The following UNC5D variants were observed in gnomAD, a reference collection of about 807,000 sequenced individuals.
The protein encoded by UNC5D is unc-5 netrin receptor D, also known as netrin receptor UNC5D.
Under a neutral mutation model 105.4 loss-of-function variants are expected in UNC5D, and 39 were observed. That is an observed-to-expected ratio of 0.37 (90% CI 0.29 to 0.48). The LOEUF (loss-of-function observed/expected upper bound fraction) is 0.48. Among genes scored for constraint, UNC5D ranks in the 20% least tolerant of loss-of-function variants. The pLI, the probability that UNC5D is intolerant of heterozygous loss-of-function variation, is 0.98. For synonymous variants in UNC5D, 452 were observed against 450.4 expected (o/e 1.00, Z -0.04); for missense variants, 991 against 1,202.4 (o/e 0.82, Z 2.60).
intron 1 of UNC5D, among the ~76,000 whole-genome samples, chr8:35,478,645 T>C (rs1453017701): frequency 1.3e-5 from 2 of 152,182 alleles, no homozygotes; most frequent in Non-Finnish European, 1.5e-5. Context: ...GAAATCAGCA[T>C]TGAGTCCTGA....
chr8:35,532,301 T>C (rs997566233), intron 1 of UNC5D, among the ~76,000 whole-genome samples: 2 of 151,518 alleles, frequency 1.3e-5, no homozygotes, highest in African/African-American at 2.4e-5. Context: ...CTCCTTCACT[T>C]ATGAAGCTTA....
At chr8:35,470,310 A>C (rs1809610506) in intron 1 of UNC5D, among the ~76,000 whole-genome samples, 1 of 152,114 alleles carries the variant, frequency 6.6e-6, no homozygotes, top group Non-Finnish European at 1.5e-5. Flanking sequence ...ATAAAATCTT[A>C]GGTAATTTAT....
intron 8 of UNC5D, among the ~76,000 whole-genome samples, chr8:35,720,894 T>C (rs1384328953): frequency 2.6e-5 from 4 of 152,158 alleles, no homozygotes; most frequent in Non-Finnish European, 5.9e-5. Flanking sequence ...TATGTGTTTA[T>C]TGCCCTATTA....
intron 1 of UNC5D, among the ~76,000 whole-genome samples, chr8:35,337,891 T>C (rs1196192011): frequency 6.6e-6 from 1 of 152,250 alleles, no homozygotes; most frequent in African/African-American, 2.4e-5. Context: ...AGACATTATT[T>C]CACTTCTGCA....
At chr8:35,391,246 TC>T (rs1219313224) in intron 1 of UNC5D, among the ~76,000 whole-genome samples, 1 of 152,174 alleles carries the variant, frequency 6.6e-6, no homozygotes, top group East Asian at 1.9e-4. Flanking sequence ...TCGTGTACTT[TC>T]CCAAAAAAGA....
chr8:35,615,056 C>T (rs1820945943), intron 4 of UNC5D, among the ~76,000 whole-genome samples: 1 of 143,648 alleles, frequency 7.0e-6, no homozygotes, highest in Non-Finnish European at 1.5e-5. Context: ...CCCCGTCCCC[C>T]ACCCCCCGAT....
chr8:35,596,036 A>G (rs142401770), intron 4 of UNC5D, among the ~76,000 whole-genome samples: 24 of 152,344 alleles, frequency 1.6e-4, no homozygotes, highest in African/African-American at 5.5e-4. Context: ...AAAAGCCCAT[A>G]GGAAAGGTCA....
intron 1 of UNC5D, among the ~76,000 whole-genome samples, chr8:35,471,075 G>A (rs537454597): frequency 2.6e-5 from 4 of 152,168 alleles, no homozygotes; most frequent in Admixed American, 6.5e-5. Flanking sequence ...CTAGTACCCC[G>A]GGGCCAGTTC....
intron 1 of UNC5D, among the ~76,000 whole-genome samples, chr8:35,305,593 C>CTTTTCTTTCA (rs1381069195): frequency 1.4e-5 from 2 of 142,022 alleles, no homozygotes; most frequent in African/African-American, 5.4e-5. Context: ...TTCTTTCTTT[C>CTTTTCTTTCA]TTTCTTTCTT....
At chr8:35,502,152 G>T (rs569769762) in intron 1 of UNC5D, among the ~76,000 whole-genome samples, 1 of 152,298 alleles carries the variant, frequency 6.6e-6, no homozygotes, top group Admixed American at 6.5e-5. Flanking sequence ...CATGTTTTAT[G>T]GGAAGTTATC....
chr8:35,678,146 G>C lies in UNC5D; in HGVS notation c.571-5401G>C, dbSNP rs181956003. On this transcript the variant is annotated intron_variant, in intron 4 of 16. Transcript: ENST00000404895. The stretch of plus-strand genomic sequence containing the variant: ...TACAGCAGGGCCAGCTCATATGATA[G>C]CACAAGTTGTGCACCAAGCATCTTG... 3.3e-5 allele frequency among the ~76,000 whole-genome samples: 5 copies of C among 152,184 alleles called. No homozygotes were observed. In the East Asian group the frequency reaches 9.7e-4, roughly 29 times the overall value.
At chr8:35,323,718 C>T (rs1490272375) in intron 1 of UNC5D, among the ~76,000 whole-genome samples, 1 of 152,096 alleles carries the variant, frequency 6.6e-6, no homozygotes, top group Non-Finnish European at 1.5e-5. Context: ...AAATAAAGCA[C>T]AGAAAGTTAA....
intron 1 of UNC5D, among the ~76,000 whole-genome samples, chr8:35,502,661 C>T (rs1052249831): frequency 6.6e-6 from 1 of 151,972 alleles, no homozygotes; most frequent in African/African-American, 2.4e-5. Context: ...CAGGTTCAAG[C>T]GATTCCCCTG....
chr8:35,523,594 T>C (rs1813640815), intron 1 of UNC5D, among the ~76,000 whole-genome samples: 1 of 151,258 alleles, frequency 6.6e-6, no homozygotes, highest in African/African-American at 2.4e-5. Context: ...TTTTTTTTTT[T>C]TTTTGATGGT....
intron 1 of UNC5D, among the ~76,000 whole-genome samples, chr8:35,241,683 A>C (rs1802816355): frequency 2.0e-5 from 3 of 151,880 alleles, no homozygotes; most frequent in Admixed American, 2.0e-4. Context: ...TTATTTTTAA[A>C]TTTTAACACT....
intron 1 of UNC5D, among the ~76,000 whole-genome samples, chr8:35,392,506 A>G (rs1803838748): frequency 6.6e-6 from 1 of 152,168 alleles, no homozygotes; most frequent in African/African-American, 2.4e-5. Flanking sequence ...GGCCTGATCC[A>G]CCATGCCTGG....
chr8:35,582,393 T>C (rs551204363), intron 3 of UNC5D, among the ~76,000 whole-genome samples: 1 of 152,238 alleles, frequency 6.6e-6, no homozygotes, highest in East Asian at 1.9e-4. Context: ...TTAAAAAATA[T>C]AGATTTGGCT....
chr8:35,639,254 G>A (rs1822564027), intron 4 of UNC5D, among the ~76,000 whole-genome samples: 1 of 152,198 alleles, frequency 6.6e-6, no homozygotes, highest in African/African-American at 2.4e-5. Context: ...GGGCGACCAG[G>A]AAAGGACATC....
intron 1 of UNC5D, among the ~76,000 whole-genome samples, chr8:35,477,914 A>G (rs1477113920): frequency 1.3e-5 from 2 of 152,130 alleles, no homozygotes; most frequent in Non-Finnish European, 2.9e-5. Flanking sequence ...TAGGAAGATA[A>G]TCTTTAGGCA....
Sources: gnomAD v4.1 joint callset for allele counts (sites outside exome capture counted in the v4.1 genomes callset) on GRCh38, gnomAD v4.1.1 for gene constraint, MANE v1.5 for transcripts, NCBI Gene and HGNC (gene_info 2026-07-23, HGNC 2026-07-21) for gene names.